CATSPERB: variants seen among roughly 807,000 people sequenced by gnomAD.
The protein encoded by CATSPERB is cation channel sperm-associated auxiliary subunit beta.
CATSPERB carries 93 observed loss-of-function variants against 128.3 expected under a neutral mutation model. The ratio of observed to expected loss-of-function variants is 0.72; its 90% confidence interval spans 0.61 to 0.86. CATSPERB has a LOEUF of 0.86. Among genes scored for constraint, CATSPERB ranks in the 40% least tolerant of loss-of-function variants. CATSPERB has a pLI of 0.00. For missense variants in CATSPERB, 1,153 were observed against 1,329.5 expected (o/e 0.87, Z 2.06); for synonymous variants, 381 against 448.8 (o/e 0.85, Z 1.91).
At chr14:91,654,503 T>C (rs1274642495) in intron 15 of CATSPERB, among the ~76,000 whole-genome samples, 1 of 152,044 alleles carries the variant, frequency 6.6e-6, no homozygotes, top group African/African-American at 2.4e-5. Context: ...GTGGTGGCCA[T>C]GGAGAGAGAC....
intron 14 of CATSPERB, among the ~76,000 whole-genome samples, chr14:91,660,397 A>G (rs1438645508): frequency 6.6e-6 from 1 of 152,212 alleles, no homozygotes; most frequent in African/African-American, 2.4e-5. Context: ...TGGCAAATAT[A>G]TATGCACACA....
intron 20 of CATSPERB, among the ~76,000 whole-genome samples, chr14:91,616,733 C>CTTTTTTTTT (rs1555360386): frequency 2.4e-5 from 2 of 84,482 alleles, no homozygotes; most frequent in African/African-American, 4.7e-5. Flanking sequence ...AAGTATTCCC[C>CTTTTTTTTT]TTTTTTTTTT....
intron 5 of CATSPERB, among the ~76,000 whole-genome samples, chr14:91,717,151 T>C (rs1286123240): frequency 6.6e-6 from 1 of 152,218 alleles, no homozygotes; most frequent in East Asian, 1.9e-4. Flanking sequence ...TCCATTTATA[T>C]GACCCTGGAA....
At chr14:91,674,495 A>T (rs1895155918) in intron 11 of CATSPERB, among the ~76,000 whole-genome samples, 1 of 151,978 alleles carries the variant, frequency 6.6e-6, no homozygotes, top group Non-Finnish European at 1.5e-5. Flanking sequence ...TATAAAGCAA[A>T]CTTGTCTTTA....
intron 22 of CATSPERB, among the ~76,000 whole-genome samples, chr14:91,602,997 T>A (rs1160420530): frequency 6.6e-6 from 1 of 152,186 alleles, no homozygotes; most frequent in Non-Finnish European, 1.5e-5. Flanking sequence ...AATTCCTCAA[T>A]TTTTTTCAAC....
intron 15 of CATSPERB, among the ~76,000 whole-genome samples, chr14:91,651,594 AGTTG>A (rs1894705443): frequency 2.0e-5 from 3 of 152,150 alleles, no homozygotes; most frequent in Non-Finnish European, 2.9e-5. Context: ...TCTGGGACTG[AGTTG>A]CTTACACACT....
chr14:91,612,381 C>T (rs529394173), intron 20 of CATSPERB, among the ~76,000 whole-genome samples: 1 of 152,222 alleles, frequency 6.6e-6, no homozygotes, highest in Admixed American at 6.5e-5. Flanking sequence ...GAACTCCTGG[C>T]CTCAAGTGAT....
At chr14:91,647,216 T>C (rs113591756) in intron 15 of CATSPERB, among the ~76,000 whole-genome samples, 155 of 152,302 alleles carry the variant, frequency 1.0e-3, no homozygotes, top group African/African-American at 3.6e-3. Flanking sequence ...AAGACGACTT[T>C]GTTGTATTCC....
chr14:91,594,375 C>T (rs541619555), intron 22 of CATSPERB, among the ~76,000 whole-genome samples: 8 of 151,578 alleles, frequency 5.3e-5, no homozygotes, highest in East Asian at 3.9e-4. Context: ...ATACCTAATG[C>T]TAAATGACGA....
chr14:91,704,895 C>A (rs1259713987), intron 6 of CATSPERB, among the ~76,000 whole-genome samples, 194 bp from the exon 7 acceptor site: 1 of 152,188 alleles, frequency 6.6e-6, no homozygotes, highest in Non-Finnish European at 1.5e-5. Context: ...AAGTCTAATT[C>A]CCCTTGGTGG....
chr14:91,651,556 C>T (rs1305551142), intron 15 of CATSPERB, among the ~76,000 whole-genome samples: 2 of 152,112 alleles, frequency 1.3e-5, no homozygotes, highest in African/African-American at 2.4e-5. Context: ...CTACAGTGTC[C>T]CTAAGGCATA....
intron 15 of CATSPERB, among the ~76,000 whole-genome samples, chr14:91,655,985 T>C (rs1023957991): frequency 1.3e-5 from 2 of 152,114 alleles, no homozygotes; most frequent in Admixed American, 6.6e-5. Flanking sequence ...AGCCCCAATA[T>C]ATCTGGCACA....
chr14:91,617,469 C>G, intron 20 of CATSPERB, 128 bp downstream of exon 20: 1 of 596,274 alleles, frequency 1.7e-6, no homozygotes, highest in South Asian at 2.6e-5. Context: ...ATCCTTGTAA[C>G]CCTATACTCT....
chr14:91,655,343 G>T (rs1024726669), intron 15 of CATSPERB, among the ~76,000 whole-genome samples: 2 of 152,142 alleles, frequency 1.3e-5, no homozygotes, highest in African/African-American at 4.8e-5. Flanking sequence ...ACAAAATAAG[G>T]CACCAGAGAC....
chr14:91,605,171 G>C (rs1893677242), intron 22 of CATSPERB: 1 of 1,487,676 alleles, frequency 6.7e-7, no homozygotes, highest in Non-Finnish European at 9.4e-7. Context: ...AGGAGAGACA[G>C]TCTCCATGTG....
chr14:91,685,356 G>C (rs866343271), intron 10 of CATSPERB, among the ~76,000 whole-genome samples: 4 of 152,132 alleles, frequency 2.6e-5, no homozygotes, highest in Admixed American at 6.5e-5. Flanking sequence ...TGAAGAAATT[G>C]AGGTCCAGAG....
chr14:91,584,398 C>T (rs570855123), intron 26 of CATSPERB, among the ~76,000 whole-genome samples: 95 of 152,230 alleles, frequency 6.2e-4, no homozygotes, highest in Non-Finnish European at 1.2e-3. Flanking sequence ...AAGCAGGTTC[C>T]GACAGTCCCA....
rs113210384 is a variant in CATSPERB at position 91,619,985 on chromosome 14, C to T, written c.2260+1623G>A. Among the ~76,000 whole-genome samples the T allele has an allele frequency of 6.7e-3, 1,018 of 151,710 alleles. 12 individuals are homozygous for T. Among genetic ancestry groups the T allele is most frequent in the African/African-American group, 0.023 (969 of 41,328 alleles). On this transcript the variant is annotated intron_variant, in intron 19 of 26. Transcript: ENST00000256343. ...TCCTGGGCTCAAGCTATCCTCTTGC[C>T]TCGGCCTCCCAAAGTGCTGGGATTA...
chr14:91,660,892 T>C (rs1168596851), intron 14 of CATSPERB, among the ~76,000 whole-genome samples: 2 of 152,196 alleles, frequency 1.3e-5, no homozygotes, highest in East Asian at 3.8e-4. Flanking sequence ...CAATAGAATA[T>C]GTACAGTACT....
Sources: allele counts gnomAD v4.1 joint callset (sites outside exome capture counted in the v4.1 genomes callset), GRCh38; gene constraint gnomAD v4.1.1; transcripts MANE v1.5; gene names NCBI Gene and HGNC (gene_info 2026-07-23, HGNC 2026-07-21).